The following ANAPC1 variants were observed in gnomAD, a reference collection of about 807,000 sequenced individuals.
ANAPC1 encodes the protein anaphase-promoting complex subunit 1.
In ANAPC1, 36 loss-of-function variants were observed where a neutral mutation model predicts 208.0. The observed-to-expected ratio is 0.17, with a 90% CI of 0.13 to 0.23. The LOEUF (loss-of-function observed/expected upper bound fraction) is 0.23, where lower values mean the gene tolerates loss of function less well. Ranked by LOEUF, ANAPC1 falls within the 10% of genes least tolerant of loss-of-function variation. ANAPC1 has a pLI of 1.00. For missense variants in ANAPC1, 942 were observed against 2,011.6 expected (o/e 0.47, Z 10.17); for synonymous variants, 378 against 695.2 (o/e 0.54, Z 7.18).
intron 6 of ANAPC1, among the ~76,000 whole-genome samples, chr2:111,869,018 G>A (rs566521248): frequency 6.6e-6 from 1 of 152,044 alleles, no homozygotes; most frequent in Non-Finnish European, 1.5e-5. Context: ...ATTCATAGGG[G>A]GCAAGATAAA....
At chr2:111,849,726 A>G (rs1192380080) in intron 14 of ANAPC1, among the ~76,000 whole-genome samples, 1 of 151,614 alleles carries the variant, frequency 6.6e-6, no homozygotes, top group Non-Finnish European at 1.5e-5. Flanking sequence ...CTTTCCACAC[A>G]TATACTGCCC....
At chr2:111,854,503 C>T (rs1342397236) in intron 13 of ANAPC1, among the ~76,000 whole-genome samples, 1 of 152,200 alleles carries the variant, frequency 6.6e-6, no homozygotes, top group East Asian at 1.9e-4. Context: ...GACTTCTCCT[C>T]TCAGGTTATG....
intron 46 of ANAPC1, among the ~76,000 whole-genome samples, chr2:111,775,633 A>C (rs1481593048): frequency 1.3e-5 from 2 of 152,196 alleles, no homozygotes; most frequent in Middle Eastern, 3.2e-3. Context: ...CAAATGCGCT[A>C]AAGAGCAACA....
intron 38 of ANAPC1, among the ~76,000 whole-genome samples, chr2:111,790,995 C>A (rs1020426525): frequency 6.6e-6 from 1 of 151,992 alleles, no homozygotes; most frequent in Non-Finnish European, 1.5e-5. Context: ...ATTGGTTGCA[C>A]GGCAGTGTGA....
In ANAPC1 at chr2:111,782,607, A is replaced by T. The variant is rs924808090; in HGVS notation, c.5064-100T>A. 6.2e-6 allele frequency: 8 copies of T among 1,284,024 alleles called. No individual in the cohort carries two copies. In the African/African-American group the frequency reaches 1.0e-4, roughly 17 times the overall value. 79.5% of individuals were successfully genotyped at this position (1,284,024 alleles called of 1,614,324 possible). On this transcript the variant is annotated intron_variant, in intron 42 of 47. Transcript: ENST00000341068. ...CATGTTCACAGGAGATGAAGCTTTT[A>T]CCATTTTCCACTAAGGTAAATGATT... is the stretch of plus-strand genomic sequence containing the variant.
At chr2:111,808,477 C>CCA (rs1294201732) in intron 29 of ANAPC1, among the ~76,000 whole-genome samples, 19 of 151,638 alleles carry the variant, frequency 1.3e-4, no homozygotes, top group Admixed American at 9.2e-4. Context: ...ACCAACATAC[C>CCA]CACCAGCATG....
chr2:111,863,423 A>G (rs1166101110), intron 9 of ANAPC1, among the ~76,000 whole-genome samples: 2 of 151,402 alleles, frequency 1.3e-5, no homozygotes, highest in African/African-American at 4.9e-5. Flanking sequence ...GAGGCAGGAG[A>G]ATGGCATGAA....
intron 1 of ANAPC1, among the ~76,000 whole-genome samples, chr2:111,881,732 T>C (rs530664001): frequency 1.2e-4 from 19 of 152,322 alleles, no homozygotes; most frequent in African/African-American, 4.3e-4. Context: ...ATAGACAGCA[T>C]TTTTAATGTT....
intron 1 of ANAPC1, among the ~76,000 whole-genome samples, chr2:111,881,725 G>C (rs1683308472): frequency 6.6e-6 from 1 of 152,132 alleles, no homozygotes; most frequent in Non-Finnish European, 1.5e-5. Context: ...TGTTCCTATA[G>C]ACAGCATTTT....
At chr2:111,847,487 T>A (rs1681155848) in intron 15 of ANAPC1, among the ~76,000 whole-genome samples, 1 of 152,190 alleles carries the variant, frequency 6.6e-6, no homozygotes, top group African/African-American at 2.4e-5. Flanking sequence ...CACATCAATA[T>A]ACAATTCAAC....
chr2:111,793,090 G>A (rs1312802086), intron 37 of ANAPC1, among the ~76,000 whole-genome samples: 7 of 152,040 alleles, frequency 4.6e-5, no homozygotes, highest in East Asian at 3.8e-4. Context: ...TGGTGTTAAC[G>A]TTTTGGCTTT....
intron 6 of ANAPC1, among the ~76,000 whole-genome samples, chr2:111,871,560 G>A (rs1403217716): frequency 6.6e-6 from 1 of 152,166 alleles, no homozygotes; most frequent in African/African-American, 2.4e-5. Flanking sequence ...AGACCAGCAT[G>A]ACTAACATGG....
intron 1 of ANAPC1, 123 bp downstream of exon 1, chr2:111,883,819 T>C (rs573681104): frequency 6.6e-6 from 1 of 152,422 alleles, no homozygotes; most frequent in South Asian, 2.1e-4. Flanking sequence ...AGGCCCTCCC[T>C]CGGGTTCCCA....
chr2:111,825,844 C>G lies in ANAPC1; in HGVS notation c.2637G>C (p.Leu879=). 1 of 1,608,406 alleles carries G rather than the reference C, an allele frequency of 6.2e-7. No homozygotes were observed. The highest frequency in any genetic ancestry group is 8.5e-7 in the Non-Finnish European group (1 of 1,176,206). ...CCAAGCTCTCATCACCAAGTATGTA[C>G]AGTGCAATACTCTGCAAAGGAAGAA... ...RSRLVVLSIA[L]YILGDESLVS... Residue 879 remains leucine (L), a synonymous_variant, in exon 22 of 48, where the codon CTG becomes CTC. Transcript: ENST00000341068.
At position 111,858,361 on chromosome 2, in the gene ANAPC1, C is replaced by A; in HGVS notation, c.1303G>T (p.Asp435Tyr). The A allele has an allele frequency of 5.0e-6, 8 of 1,613,680 alleles. No homozygotes were observed. Among genetic ancestry groups the A allele is most frequent in the South Asian group, 2.2e-5 (2 of 91,046 alleles). ...SQASKVFITS[D>Y]LCGQKFLCFL... ...CACAGGAACTTTTGCCCACATAGGT[C>A]AGATGTAATAAACACTTTTGAGGCT... is the stretch of plus-strand genomic sequence containing the variant. The change falls in exon 11 of 48, where the codon GAC becomes TAC. Residue 435 changes from aspartate to tyrosine, a missense_variant. Asp to Tyr is a radical substitution (Grantham distance 160, BLOSUM62 -3). Coordinates refer to ENST00000341068, the MANE Select transcript of ANAPC1 (RefSeq NM_022662.4).
intron 20 of ANAPC1, among the ~76,000 whole-genome samples, chr2:111,832,697 A>G (rs186016742): frequency 1.1e-4 from 17 of 152,252 alleles, no homozygotes; most frequent in African/African-American, 3.6e-4. Flanking sequence ...TGGGAGGCCG[A>G]GGCGGGTGGA....
chr2:111,849,464 C>T (rs3908058), intron 14 of ANAPC1, among the ~76,000 whole-genome samples: 1 of 152,300 alleles, frequency 6.6e-6, no homozygotes, highest in East Asian at 1.9e-4. Flanking sequence ...AATGAAGACA[C>T]AGACATTATC....
intron 20 of ANAPC1, among the ~76,000 whole-genome samples, chr2:111,832,658 G>C (rs535736248): frequency 6.6e-6 from 1 of 152,166 alleles, no homozygotes; most frequent in South Asian, 2.1e-4. Context: ...GGCCTGGCGC[G>C]GTGGCTCACG....
intron 1 of ANAPC1, among the ~76,000 whole-genome samples, chr2:111,881,539 T>C (rs763361154): frequency 3.3e-5 from 5 of 152,100 alleles, no homozygotes; most frequent in Admixed American, 6.6e-5. Flanking sequence ...AATTATTACA[T>C]CTAATTAATC....
Sources: allele counts gnomAD v4.1 joint callset (sites outside exome capture counted in the v4.1 genomes callset), GRCh38; gene constraint gnomAD v4.1.1; transcripts MANE v1.5; gene names NCBI Gene and HGNC (gene_info 2026-07-23, HGNC 2026-07-21).